Variants in KIAA1328 observed in about 807,000 individuals in gnomAD.
The protein encoded by KIAA1328 is KIAA1328, also known as protein hinderin.
Under a neutral mutation model 68.1 loss-of-function variants are expected in KIAA1328, and 52 were observed. The ratio of observed to expected loss-of-function variants is 0.76; its 90% CI spans 0.61 to 0.96. KIAA1328 has a LOEUF of 0.96. Among genes scored for constraint, KIAA1328 ranks in the 40% least tolerant of loss-of-function variants. The probability of loss-of-function intolerance (pLI) is 0.00; values close to 1 mark genes in which losing one functional copy is unlikely to be tolerated. For missense variants in KIAA1328, 641 were observed against 677.6 expected (o/e 0.95, Z 0.60); for synonymous variants, 232 against 239.4 (o/e 0.97, Z 0.28).
chr18:36,834,775 T>C (rs1242716664), intron 2 of KIAA1328, among the ~76,000 whole-genome samples: 1 of 152,200 alleles, frequency 6.6e-6, no homozygotes, highest in Non-Finnish European at 1.5e-5. Flanking sequence ...TTATATAGGG[T>C]GAAAAATATC....
intron 6 of KIAA1328, among the ~76,000 whole-genome samples, chr18:37,042,538 T>A (rs963678966): frequency 6.6e-6 from 1 of 152,208 alleles, no homozygotes; most frequent in Admixed American, 6.5e-5. Flanking sequence ...TGACAGTTTA[T>A]TTTTTTCAAA....
At chr18:37,086,018 C>T (rs1176860523) in intron 7 of KIAA1328, among the ~76,000 whole-genome samples, 1 of 152,114 alleles carries the variant, frequency 6.6e-6, no homozygotes, top group African/African-American at 2.4e-5. Context: ...CACAGAAAGA[C>T]AAATACAGTG....
At chr18:36,979,418 CT>C (rs1241164539) in intron 6 of KIAA1328, among the ~76,000 whole-genome samples, 1 of 151,982 alleles carries the variant, frequency 6.6e-6, no homozygotes, top group Non-Finnish European at 1.5e-5. Flanking sequence ...AATAAAGAAA[CT>C]TTTATTCTTC....
intron 6 of KIAA1328, among the ~76,000 whole-genome samples, chr18:37,052,665 C>A (rs1400063727): frequency 6.6e-6 from 1 of 151,848 alleles, no homozygotes; most frequent in Non-Finnish European, 1.5e-5. Flanking sequence ...ACAGAATCGG[C>A]ATTCAAAAAA....
chr18:37,108,143 T>C (rs570414552), intron 7 of KIAA1328, among the ~76,000 whole-genome samples: 4 of 152,186 alleles, frequency 2.6e-5, no homozygotes, highest in East Asian at 3.9e-4. Context: ...CAGTGGTAGA[T>C]TGGATAAAGA....
intron 5 of KIAA1328, among the ~76,000 whole-genome samples, chr18:36,925,963 T>TTTTTTCCAC (rs2050100420): frequency 6.6e-6 from 1 of 152,096 alleles, no homozygotes; most frequent in Non-Finnish European, 1.5e-5. Flanking sequence ...TCCACTTTGA[T>TTTTTTCCAC]TTCTTCTTTT....
chr18:37,148,502 G>A (rs769736358), intron 7 of KIAA1328, among the ~76,000 whole-genome samples: 1 of 152,162 alleles, frequency 6.6e-6, no homozygotes, highest in African/African-American at 2.4e-5. Flanking sequence ...CCAGTAATGG[G>A]TTTGCTGGAT....
At chr18:36,891,740 G>T (rs1479539873) in intron 5 of KIAA1328, among the ~76,000 whole-genome samples, 2 of 152,040 alleles carry the variant, frequency 1.3e-5, no homozygotes, top group African/African-American at 4.8e-5. Flanking sequence ...CCATATTTTT[G>T]CTATTGCGAA....
intron 6 of KIAA1328, among the ~76,000 whole-genome samples, chr18:36,973,850 C>CACACACACAT (rs983579773): frequency 4.5e-4 from 67 of 149,246 alleles, no homozygotes; most frequent in Middle Eastern, 3.4e-3. Context: ...CACACACACA[C>CACACACACAT]ATATATATCT....
chr18:37,036,746 C>T (rs568483305), intron 6 of KIAA1328, among the ~76,000 whole-genome samples: 1 of 152,104 alleles, frequency 6.6e-6, no homozygotes, highest in African/African-American at 2.4e-5. Flanking sequence ...TGTTTACATG[C>T]ACACACACAC....
At chr18:37,033,767 C>T (rs574422549) in intron 6 of KIAA1328, among the ~76,000 whole-genome samples, 22 of 152,294 alleles carry the variant, frequency 1.4e-4, no homozygotes, top group Non-Finnish European at 2.1e-4. Flanking sequence ...CTCAACCTCC[C>T]GGAACTCTGC....
chr18:37,014,069 G>A (rs1194954195), intron 6 of KIAA1328, among the ~76,000 whole-genome samples: 1 of 152,112 alleles, frequency 6.6e-6, no homozygotes, highest in East Asian at 1.9e-4. Flanking sequence ...TCTCATTGTG[G>A]TTTTGATTTT....
chr18:36,916,234 G>A (rs902417098), intron 5 of KIAA1328, among the ~76,000 whole-genome samples: 1 of 151,608 alleles, frequency 6.6e-6, no homozygotes, highest in Non-Finnish European at 1.5e-5. Context: ...TGCTAATATT[G>A]TTGCAAAATT....
At chr18:37,180,965 C>T (rs1488907924) in intron 9 of KIAA1328, among the ~76,000 whole-genome samples, 1 of 152,060 alleles carries the variant, frequency 6.6e-6, no homozygotes, top group South Asian at 2.1e-4. Flanking sequence ...TATGTTCATA[C>T]AAATTACATA....
intron 8 of KIAA1328, among the ~76,000 whole-genome samples, chr18:37,162,200 C>T (rs1032237619): frequency 6.6e-6 from 1 of 151,544 alleles, no homozygotes; most frequent in African/African-American, 2.4e-5. Context: ...GAATAGTTTT[C>T]ACTCATGGTT....
chr18:37,115,804 A>G (rs2058089060), intron 7 of KIAA1328, among the ~76,000 whole-genome samples: 1 of 152,350 alleles, frequency 6.6e-6, no homozygotes, highest in Non-Finnish European at 1.5e-5. Context: ...CTGATAAGCA[A>G]TTTCAGCAAA....
intron 4 of KIAA1328, among the ~76,000 whole-genome samples, chr18:36,855,866 A>G (rs1449092382): frequency 6.6e-6 from 1 of 151,988 alleles, no homozygotes. Flanking sequence ...ATATAATGTG[A>G]TAGAGGCATC....
intron 9 of KIAA1328, among the ~76,000 whole-genome samples, chr18:37,192,386 T>C (rs1042091488): frequency 2.6e-5 from 4 of 152,214 alleles, no homozygotes; most frequent in African/African-American, 9.6e-5. Context: ...ATTTATGTTA[T>C]GGAATGTGCT....
At position 36,830,097 on chromosome 18, in the gene KIAA1328, A is replaced by G. The variant is rs7235191; in HGVS notation, c.58+901A>G. On this transcript the variant is annotated intron_variant, in intron 1 of 9. Coordinates refer to ENST00000280020, the MANE Select transcript of KIAA1328 (RefSeq NM_020776.3). ...CTTTTTGTGTTTGCTAGGATTGGTG[A>G]TGGCATTAATTGAGGCGTTGCTGTT... Among the ~76,000 whole-genome samples the G allele has an allele frequency of 2.4e-3, 369 of 152,294 alleles. 2 individuals are homozygous for G. The highest frequency in any genetic ancestry group is 8.5e-3 in the African/African-American group (353 of 41,558).
Sources: allele counts gnomAD v4.1 joint callset (sites outside exome capture counted in the v4.1 genomes callset), GRCh38; gene constraint gnomAD v4.1.1; transcripts MANE v1.5; gene names NCBI Gene and HGNC (gene_info 2026-07-23, HGNC 2026-07-21).